Variants in ACOT1 observed in about 807,000 individuals in gnomAD.
ACOT1 encodes the protein acyl-coenzyme A thioesterase 1.
A neutral mutation model predicts 15.7 loss-of-function variants in ACOT1; 8 were observed. That is an observed-to-expected ratio of 0.51 (90% CI 0.30 to 0.92). ACOT1 has a LOEUF of 0.92. ACOT1 is among the 40% of genes least tolerant of loss of function. The pLI is 0.06. For missense variants in ACOT1, 151 were observed against 539.4 expected, an observed-to-expected ratio of 0.28 and a Z score of 7.13; for synonymous variants, 67 against 241.2, an observed-to-expected ratio of 0.28 and a Z score of 6.69.
upstream of ACOT1, among the ~76,000 whole-genome samples, chr14:73,532,245 ATC>A (rs1888728526): frequency 1.8e-5 from 2 of 113,856 alleles, 1 homozygote; most frequent in Non-Finnish European, 3.8e-5. Context: ...CTGCTACTTA[ATC>A]TCCTTTGCCC....
chr14:73,524,947 CTT>C, the ACOT1 span, among the ~76,000 whole-genome samples: 1 of 152,156 alleles, frequency 6.6e-6, no homozygotes, highest in Admixed American at 6.6e-5. Flanking sequence ...CATGATTTCT[CTT>C]ACTGTCTTCC....
chr14:73,522,387 G>C, the ACOT1 span: 2 of 1,614,134 alleles, frequency 1.2e-6, no homozygotes, highest in African/African-American at 2.7e-5. Flanking sequence ...AGGAGCTCCA[G>C]GTCACTGGCA....
the ACOT1 span, among the ~76,000 whole-genome samples, chr14:73,502,635 C>T: frequency 1.1e-4 from 17 of 152,180 alleles, no homozygotes; most frequent in African/African-American, 4.1e-4. Flanking sequence ...GCAACCTCCG[C>T]CTCCCAGGTT....
the ACOT1 span, chr14:73,492,943 G>T: frequency 6.2e-7 from 1 of 1,609,166 alleles, no homozygotes; most frequent in Admixed American, 1.7e-5. The surrounding 1 kb of genome is among the most constrained non-coding windows in gnomAD (Gnocchi z 4.9). Context: ...CCCTAAATTA[G>T]TTTCTTGTTG....
the ACOT1 span, among the ~76,000 whole-genome samples, chr14:73,511,088 T>C: frequency 2.0e-5 from 3 of 152,232 alleles, no homozygotes; most frequent in Non-Finnish European, 4.4e-5. Flanking sequence ...AAGTTCAAAT[T>C]CTCAAGTAGG....
chr14:73,515,748 A>G, the ACOT1 span, among the ~76,000 whole-genome samples: 1 of 116,692 alleles, frequency 8.6e-6, no homozygotes, highest in African/African-American at 3.4e-5. Flanking sequence ...CATACAATGC[A>G]TCTCCTCCAA....
At chr14:73,500,603 C>G in the ACOT1 span, 1 of 1,614,020 alleles carries the variant, frequency 6.2e-7, no homozygotes, top group South Asian at 1.1e-5. Flanking sequence ...GCCCGCCGAA[C>G]TGCTGTGAAG....
chr14:73,507,456 C>T, the ACOT1 span, among the ~76,000 whole-genome samples: 1 of 152,038 alleles, frequency 6.6e-6, no homozygotes, highest in South Asian at 2.1e-4. Flanking sequence ...TTTTTTGAGG[C>T]AGGGTCTTGC....
chr14:73,499,103 G>T, the ACOT1 span: 1 of 1,614,180 alleles, frequency 6.2e-7, no homozygotes, highest in Non-Finnish European at 8.5e-7. Flanking sequence ...TTTCCAGTAA[G>T]GATCTCTCTG....
chr14:73,514,990 C>T, the ACOT1 span, among the ~76,000 whole-genome samples: 1 of 151,590 alleles, frequency 6.6e-6, no homozygotes, highest in African/African-American at 2.4e-5. Flanking sequence ...ATCACTTGAA[C>T]CTGAGAGGCG....
At chr14:73,509,440 A>C in the ACOT1 span, 1 of 1,614,148 alleles carries the variant, frequency 6.2e-7, no homozygotes, top group Non-Finnish European at 8.5e-7. Context: ...TAGGGCAGGC[A>C]GTAGAACCTC....
chr14:73,495,380 G>A, the ACOT1 span: 1 of 1,612,652 alleles, frequency 6.2e-7, no homozygotes, highest in Non-Finnish European at 8.5e-7. Flanking sequence ...TTGGCTTAGT[G>A]TTTTAATCTA....
the ACOT1 span, chr14:73,498,140 A>G: frequency 1.3e-6 from 2 of 1,592,502 alleles, no homozygotes; most frequent in East Asian, 2.3e-5. Flanking sequence ...TGGGAGCCAG[A>G]GGTTTAGTGC....
At chr14:73,534,419 G>A (rs1444875246), upstream of ACOT1, among the ~76,000 whole-genome samples, 1 of 110,162 alleles carries the variant, frequency 9.1e-6, no homozygotes, top group Non-Finnish European at 2.0e-5. Context: ...ATGGCCGAGT[G>A]TAGTGGCTCT....
chr14:73,495,266 G>A, the ACOT1 span: 1 of 1,613,954 alleles, frequency 6.2e-7, no homozygotes, highest in African/African-American at 1.3e-5. Flanking sequence ...GAGTGTTAGT[G>A]GTCCTTGTTC....
chr14:73,536,257 G>A (rs1290815541), upstream of ACOT1, among the ~76,000 whole-genome samples: 1 of 111,940 alleles, frequency 8.9e-6, no homozygotes, highest in Non-Finnish European at 1.9e-5. Context: ...AGGAAATTAT[G>A]AAATCAGGTA....
the ACOT1 span, chr14:73,492,652 A>C: frequency 5.6e-6 from 9 of 1,613,866 alleles, no homozygotes; most frequent in Middle Eastern, 1.6e-4. This position sits in a 1 kb window ranked among gnomAD's most constrained non-coding sequence, Gnocchi z 4.9. Flanking sequence ...TGACAACAGA[A>C]ACAGAAGTCC....
At chr14:73,527,961 C>CAAA in the ACOT1 span, among the ~76,000 whole-genome samples, 14 of 52,682 alleles carry the variant, frequency 2.7e-4, no homozygotes, top group African/African-American at 3.6e-4. Flanking sequence ...AACTCCATCT[C>CAAA]AAAAAAAAAA....
chr14:73,538,611 CAAAA>C (rs59948219), intron 1 of ACOT1, among the ~76,000 whole-genome samples: 1 of 27,232 alleles, frequency 3.7e-5, no homozygotes, highest in Non-Finnish European at 8.3e-5. Context: ...GACTCCGTCT[CAAAA>C]AAAAAAAAAA....
Sources: gnomAD v4.1 joint callset for allele counts (sites outside exome capture counted in the v4.1 genomes callset) on GRCh38, gnomAD v4.1.1 for gene constraint, Gnocchi (gnomAD v3.1) non-coding constraint, MANE v1.5 for transcripts, NCBI Gene and HGNC (gene_info 2026-07-23, HGNC 2026-07-21) for gene names.